Variants in ITPR3 observed in about 807,000 individuals in gnomAD.
ITPR3 encodes the protein inositol 1,4,5-trisphosphate receptor type 3.
In ITPR3, 173 loss-of-function variants were observed where a neutral mutation model predicts 293.2. The ratio of observed to expected loss-of-function variants is 0.59; its 90% CI spans 0.52 to 0.67. The LOEUF is 0.67. Ranked by LOEUF, ITPR3 falls within the 30% of genes least tolerant of loss-of-function variation. The pLI, the probability that ITPR3 is intolerant of heterozygous loss-of-function variation, is 0.00. For missense variants in ITPR3, 2,796 were observed against 3,592.1 expected (o/e 0.78, Z 5.66); for synonymous variants, 1,295 against 1,444.4 (o/e 0.90, Z 2.35).
chr6:33,639,165 G>T (rs941827569), intron 1 of ITPR3, among the ~76,000 whole-genome samples: 5 of 152,116 alleles, frequency 3.3e-5, no homozygotes, highest in African/African-American at 1.2e-4. Context: ...TGGATCACGA[G>T]GTCAGGAGTT....
Position 33,692,314 on chromosome 6 carries a change from G to A in ITPR3, c.7458+386G>A, listed in dbSNP as rs1421974689. ...GCCTTCCCCTGTTGCTTGGGAGTGA[G>A]AGGCCGCCTCCCTGGCCAGACAGAG... On this transcript the variant is annotated intron_variant, in intron 54 of 57. Transcript: ENST00000605930. The surrounding 1 kb of genome is among the most constrained non-coding windows in gnomAD (Gnocchi z 4.2). Among the ~76,000 whole-genome samples, 2 of 152,208 alleles carry A rather than the reference G, an allele frequency of 1.3e-5. No individual in the cohort carries two copies. The highest frequency in any genetic ancestry group is 6.5e-5 in the Admixed American group (1 of 15,284).
rs1765098266 is a variant in ITPR3 at position 33,682,311 on chromosome 6, T to G, written c.4477-213T>G. ...CATGGCTATGAGCCCACGGCCTTGGTGAGTTACAGGGCTGCCGTGTACAGT... is the reference window on the plus strand; with the variant it reads ...CATGGCTATGAGCCCACGGCCTTGGGGAGTTACAGGGCTGCCGTGTACAGT... On this transcript the variant is annotated intron_variant, in intron 33 of 57. Transcript: ENST00000605930. This position sits in a 1 kb window ranked among gnomAD's most constrained non-coding sequence, Gnocchi z 5.4. Among the ~76,000 whole-genome samples the G allele has an allele frequency of 6.6e-6, 1 of 152,218 alleles. No individual in the cohort carries two copies. The highest frequency in any genetic ancestry group is 1.5e-5 in the Non-Finnish European group (1 of 68,030).
At chr6:33,643,009 T>C (rs1384964947) in intron 2 of ITPR3, among the ~76,000 whole-genome samples, 2 of 152,176 alleles carry the variant, frequency 1.3e-5, no homozygotes, top group African/African-American at 4.8e-5. Context: ...GAATGTGGGA[T>C]GAGAGACATG....
At position 33,666,045 on chromosome 6, in the gene ITPR3, G is replaced by T. The variant is rs557670245; in HGVS notation, c.1551+69G>T. 5 of 1,520,464 alleles carry T rather than the reference G, an allele frequency of 3.3e-6. No individual in the cohort carries two copies. The highest frequency in any genetic ancestry group is 4.4e-6 in the Non-Finnish European group (5 of 1,124,314). 94.2% of individuals were successfully genotyped at this position (1,520,464 alleles called of 1,614,324 possible). A position where few individuals can be genotyped will look rare whatever the true frequency, so the allele number is the denominator to read the frequency against. On this transcript the variant is annotated intron_variant, in intron 14 of 57. Transcript: ENST00000605930. The surrounding 1 kb of genome is among the most constrained non-coding windows in gnomAD (Gnocchi z 5.1). ...GGGAGAGGGATGCCTTCAACTGCAG[G>T]CTCATCCCCCGCTTTAACAAAAATC...
intron 13 of ITPR3, 119 bp downstream of exon 13, chr6:33,665,332 GC>G: frequency 7.5e-7 from 1 of 1,339,074 alleles, no homozygotes; most frequent in Non-Finnish European, 1.0e-6. Context: ...TAGGGGACTG[GC>G]CCCTGTGGGG....
rs1345654734 is a variant in ITPR3, at chr6:33,684,991, T to G, written c.5307+48T>G. On this transcript the variant is annotated intron_variant, in intron 39 of 57. Coordinates refer to ENST00000605930, the MANE Select transcript of ITPR3 (RefSeq NM_002224.4). The surrounding 1 kb of genome is among the most constrained non-coding windows in gnomAD (Gnocchi z 4.2). ...ACATGCCCTCCTTTGCCTCCCTCCC[T>G]TTTTGGAGGAGGTGGGCCTTGAGTT... 1 of 1,557,036 alleles carries G rather than the reference T, an allele frequency of 6.4e-7. No individual in the cohort carries two copies. Among genetic ancestry groups the G allele is most frequent in the Admixed American group, 1.8e-5 (1 of 55,734 alleles).
At position 33,631,960 on chromosome 6, in the gene ITPR3, G is replaced by T. The variant is rs116878688; in HGVS notation, c.90-8524G>T. ...ACAAAGAGTAATATTAAAAGCTAAAGATTAATAGTGATTGCTAATTGTCCA... is the reference window on the plus strand; with the variant it reads ...ACAAAGAGTAATATTAAAAGCTAAATATTAATAGTGATTGCTAATTGTCCA... On this transcript the variant is annotated intron_variant, in intron 1 of 57. Transcript: ENST00000605930. Among the ~76,000 whole-genome samples, 1,260 of 152,294 alleles carry T rather than the reference G, an allele frequency of 8.3e-3. 12 individuals are homozygous for T. Among genetic ancestry groups the T allele is most frequent in the Non-Finnish European group, 0.011 (733 of 68,030 alleles).
intron 1 of ITPR3, among the ~76,000 whole-genome samples, chr6:33,630,504 C>CCT (rs369076311): frequency 6.6e-6 from 1 of 152,174 alleles, no homozygotes; most frequent in African/African-American, 2.4e-5. Context: ...ACCTTTTCTC[C>CCT]CTCTCTTCCC....
In ITPR3 at chr6:33,680,316, G is replaced by A. The variant is rs778667684; in HGVS notation, c.4225-13G>A. 9 of 1,609,612 alleles carry A rather than the reference G, an allele frequency of 5.6e-6. No individual in the cohort carries two copies. The highest frequency in any genetic ancestry group is 1.3e-5 in the African/African-American group (1 of 74,900). ...GCCCTGCTTGCGCCCCTGACCTCCC[G>A]CCCACTGCCCAGGTGAAAATGGCCT... is the stretch of plus-strand genomic sequence containing the variant. On this transcript the variant is annotated splice_polypyrimidine_tract_variant and intron_variant, in intron 31 of 57. Transcript: ENST00000605930.
chr6:33,678,330 C>T, intron 28 of ITPR3, 91 bp from the exon 29 acceptor site: 2 of 1,549,712 alleles, frequency 1.3e-6, no homozygotes, highest in South Asian at 1.2e-5. Context: ...AGTCCCAAGC[C>T]CGACCCACCC....
rs1764734494 is a variant in ITPR3, at chr6:33,670,684, C to T, written c.2455C>T (p.Leu819Phe). Residue 819 changes from leucine to phenylalanine, a missense_variant, in exon 20 of 58, where the codon CTC becomes TTC. Leu to Phe is a conservative substitution (Grantham distance 22, BLOSUM62 0). This residue lies in a region of ITPR3 where 955 missense variants were observed against 1,180.8 expected (regional missense o/e 0.81). Coordinates refer to ENST00000605930, the MANE Select transcript of ITPR3 (RefSeq NM_002224.4). This position sits in a 1 kb window ranked among gnomAD's most constrained non-coding sequence, Gnocchi z 6.7. Reference protein sequence around the residue: ...AITIKDYDSNLNASRDDKKNK... With the variant: ...AITIKDYDSNFNASRDDKKNK... Reference sequence around the variant, plus strand: ...CTCCACCCTCAGCTATGATTCCAACCTCAACGCGTCCCGAGATGACAAGAA... The same window carrying T: ...CTCCACCCTCAGCTATGATTCCAACTTCAACGCGTCCCGAGATGACAAGAA... 1 of 1,614,022 alleles carries T rather than the reference C, an allele frequency of 6.2e-7. No homozygotes were observed. Among genetic ancestry groups the T allele is most frequent in the Non-Finnish European group, 8.5e-7 (1 of 1,180,034 alleles).
rs1160949062 is a variant in ITPR3 at position 33,666,995 on chromosome 6, T to G, written c.1552-134T>G. ...GCTGGGCTGGGGTTGTGGTCCAGCT[T>G]AGAATCAGCTCGAAGCTGATGTCCG... On this transcript the variant is annotated intron_variant, in intron 14 of 57. Coordinates refer to ENST00000605930, the MANE Select transcript of ITPR3 (RefSeq NM_002224.4). The surrounding 1 kb of genome is among the most constrained non-coding windows in gnomAD (Gnocchi z 5.1). The G allele has an allele frequency of 8.4e-6, 9 of 1,067,462 alleles. No individual in the cohort carries two copies. Among genetic ancestry groups the G allele is most frequent in the Non-Finnish European group, 1.2e-5 (9 of 727,512 alleles). The allele number at this position is 1,067,462 out of a possible 1,614,324, so 66.1% of individuals were successfully genotyped here.
At position 33,683,142 on chromosome 6, in the gene ITPR3, C is replaced by T; in HGVS notation, c.4598-65C>T. On this transcript the variant is annotated intron_variant, in intron 34 of 57. Coordinates refer to ENST00000605930, the MANE Select transcript of ITPR3 (RefSeq NM_002224.4). The surrounding 1 kb of genome is among the most constrained non-coding windows in gnomAD (Gnocchi z 4.5). The stretch of plus-strand genomic sequence containing the variant: ...GTCTCCTGGTGTGGCAGCCCTGAGC[C>T]TGGCCTCTGGCTGGCTGAACTGCCC... 7.8e-7 allele frequency: 1 copy of T among 1,278,140 alleles called. No individual in the cohort carries two copies. Among genetic ancestry groups the T allele is most frequent in the Non-Finnish European group, 1.1e-6 (1 of 947,206 alleles). The allele number at this position is 1,278,140 out of a possible 1,614,324, so 79.2% of individuals were successfully genotyped here.
At chr6:33,642,642 C>T (rs916352334) in intron 2 of ITPR3, among the ~76,000 whole-genome samples, 1 of 152,090 alleles carries the variant, frequency 6.6e-6, no homozygotes, top group Non-Finnish European at 1.5e-5. Context: ...TGACTTCTTG[C>T]CCTCCTCTGT....
chr6:33,640,408 C>T, intron 1 of ITPR3, 76 bp from the exon 2 acceptor site: 1 of 1,358,996 alleles, frequency 7.4e-7, no homozygotes, highest in Non-Finnish European at 1.0e-6. Flanking sequence ...ACCCTGGCAT[C>T]CCCTGCTCTA....
intron 2 of ITPR3, among the ~76,000 whole-genome samples, chr6:33,644,908 C>T (rs528267325): frequency 1.3e-4 from 19 of 151,546 alleles, no homozygotes; most frequent in Non-Finnish European, 2.7e-4. Context: ...AGGTGATCCA[C>T]CTGCCTTGGC....
intron 1 of ITPR3, among the ~76,000 whole-genome samples, chr6:33,628,407 GT>G (rs1397166923): frequency 2.6e-5 from 4 of 152,262 alleles, no homozygotes; most frequent in African/African-American, 9.6e-5. Flanking sequence ...CATGCGAAAG[GT>G]GCCAGTGACA....
rs1295079857 is a variant in ITPR3 at position 33,654,967 on chromosome 6, T to TTGGACACCCTCC, written c.161-789_161-788insCCTGGACACCCT. ...TGCCTCCTTTGGATAAGCAGAAAAA[T>TTGGACACCCTCC]TGGACACCCTTCCTGCAGCTTAGGC... On this transcript the variant is annotated intron_variant, in intron 2 of 57. Transcript: ENST00000605930. This position sits in a 1 kb window ranked among gnomAD's most constrained non-coding sequence, Gnocchi z 4.1. Among the ~76,000 whole-genome samples, 3 of 152,210 alleles carry TTGGACACCCTCC rather than the reference T, an allele frequency of 2.0e-5. No individual in the cohort carries two copies. Among genetic ancestry groups the TTGGACACCCTCC allele is most frequent in the Non-Finnish European group, 4.4e-5 (3 of 68,040 alleles).
Position 33,675,884 on chromosome 6 carries a change from G to C in ITPR3, c.3282+28G>C, listed in dbSNP as rs376346919. Reference sequence around the variant, plus strand: ...GACGGGACTACCTGGCCCTGGCCCTGAGCATGAGGCCTGCACCAGGCACGG... The same window carrying C: ...GACGGGACTACCTGGCCCTGGCCCTCAGCATGAGGCCTGCACCAGGCACGG... On this transcript the variant is annotated intron_variant, in intron 25 of 57. Transcript: ENST00000605930. The surrounding 1 kb of genome is among the most constrained non-coding windows in gnomAD (Gnocchi z 5.0). The C allele has an allele frequency of 6.5e-7, 1 of 1,539,126 alleles. No homozygotes were observed. The highest frequency in any genetic ancestry group is 1.4e-5 in the African/African-American group (1 of 72,892).
Sources: gnomAD v4.1 joint callset for allele counts (sites outside exome capture counted in the v4.1 genomes callset) on GRCh38, gnomAD v4.1.1 for gene constraint, gnomAD v4.1.1 regional missense constraint, Gnocchi (gnomAD v3.1) non-coding constraint, MANE v1.5 for transcripts, NCBI Gene and HGNC (gene_info 2026-07-23, HGNC 2026-07-21) for gene names.